The following CAST variants were observed in gnomAD, a reference collection of about 807,000 sequenced individuals.
CAST encodes the protein calpastatin, also known as MIR583 host.
Under a neutral mutation model 119.6 loss-of-function variants are expected in CAST, and 76 were observed. That is an observed-to-expected ratio of 0.64 (90% CI 0.53 to 0.77). The LOEUF is 0.77. Ranked by LOEUF, CAST falls within the 30% of genes least tolerant of loss-of-function variation. The probability of loss-of-function intolerance (pLI) is 0.00; values close to 1 mark genes in which losing one functional copy is unlikely to be tolerated. For synonymous variants in CAST, 319 were observed against 331.6 expected (o/e 0.96, Z 0.41); for missense variants, 953 against 946.5 (o/e 1.01, Z -0.09).
the CAST span, among the ~76,000 whole-genome samples, chr5:96,077,330 G>T: frequency 6.6e-6 from 1 of 152,064 alleles, no homozygotes; most frequent in Non-Finnish European, 1.5e-5. Context: ...TTTTTAAAGT[G>T]TATATAGCAT....
chr5:96,645,244 G>T (rs1299917545), intron 1 of CAST, among the ~76,000 whole-genome samples: 2 of 152,130 alleles, frequency 1.3e-5, no homozygotes, highest in Non-Finnish European at 2.9e-5. Context: ...GTAGGCTGGA[G>T]TTATGAGTCT....
At chr5:96,167,960 A>G in the CAST span, among the ~76,000 whole-genome samples, 11 of 152,176 alleles carry the variant, frequency 7.2e-5, no homozygotes, top group Non-Finnish European at 7.3e-5. Flanking sequence ...TGATTTCCTT[A>G]AGGATAGATT....
At chr5:96,128,173 C>A in the CAST span, among the ~76,000 whole-genome samples, 1 of 152,060 alleles carries the variant, frequency 6.6e-6, no homozygotes, top group Admixed American at 6.6e-5. Flanking sequence ...ATGCCCTGTT[C>A]CCTTCGTGTA....
intron 1 of CAST, among the ~76,000 whole-genome samples, chr5:96,636,292 G>C (rs1207987911): frequency 6.6e-6 from 1 of 152,116 alleles, no homozygotes; most frequent in Non-Finnish European, 1.5e-5. Context: ...TTAAGCTCCT[G>C]ACACATAGCA....
chr5:96,772,010 T>C lies in CAST; in HGVS notation c.*23+308T>C, dbSNP rs200937935. On this transcript the variant is annotated intron_variant, in intron 31 of 31. Transcript: ENST00000675179. ...TCTTTGAAATCCAAATGCTCATTACTGCAGGTTATTGTGGCAAAGCAAAAT... is the reference window on the plus strand; with the variant it reads ...TCTTTGAAATCCAAATGCTCATTACCGCAGGTTATTGTGGCAAAGCAAAAT... 4 of 204,962 alleles carry C rather than the reference T, an allele frequency of 2.0e-5. No individual in the cohort carries two copies. The East Asian group carries it at 4.5e-4, about 23-fold the overall frequency. 12.7% of individuals were successfully genotyped at this position (204,962 alleles called of 1,614,324 possible). A position where few individuals can be genotyped will look rare whatever the true frequency, so the allele number is the denominator to read the frequency against.
the CAST span, among the ~76,000 whole-genome samples, chr5:96,051,781 G>A: frequency 3.3e-5 from 5 of 152,126 alleles, no homozygotes; most frequent in East Asian, 5.8e-4. Context: ...GTCCCAAACC[G>A]GAAACAAAAT....
At chr5:96,002,134 C>A in the CAST span, among the ~76,000 whole-genome samples, 2 of 152,190 alleles carry the variant, frequency 1.3e-5, no homozygotes, top group African/African-American at 4.8e-5. Context: ...CATTTAGGAG[C>A]AACCATTGTT....
At chr5:96,484,471 C>G in the CAST span, among the ~76,000 whole-genome samples, 3 of 152,050 alleles carry the variant, frequency 2.0e-5, no homozygotes, top group African/African-American at 4.8e-5. Flanking sequence ...TGTGTTGATC[C>G]TAGCTGGCAG....
At chr5:96,587,561 T>C (rs1354830579) in intron 1 of CAST, among the ~76,000 whole-genome samples, 1 of 152,196 alleles carries the variant, frequency 6.6e-6, no homozygotes, top group Non-Finnish European at 1.5e-5. Flanking sequence ...TTTCTTTAAT[T>C]TGTAAAAGCT....
the CAST span, among the ~76,000 whole-genome samples, chr5:95,988,261 C>T: frequency 6.6e-6 from 1 of 152,268 alleles, no homozygotes; most frequent in East Asian, 1.9e-4. Flanking sequence ...TCCCTCCCAC[C>T]AGTTCTGGGG....
intron 24 of CAST, among the ~76,000 whole-genome samples, chr5:96,758,400 G>A (rs573146488): frequency 6.6e-6 from 1 of 152,240 alleles, no homozygotes; most frequent in Admixed American, 6.5e-5. Flanking sequence ...GATTTTCATG[G>A]CTTTTTATAT....
At chr5:96,716,543 GC>G (rs1207821667) in intron 3 of CAST, among the ~76,000 whole-genome samples, 4 of 152,176 alleles carry the variant, frequency 2.6e-5, no homozygotes, top group Non-Finnish European at 5.9e-5. Flanking sequence ...GGGATGGGTG[GC>G]AACTCAAACA....
At chr5:96,343,635 A>G in the CAST span, among the ~76,000 whole-genome samples, 2 of 152,212 alleles carry the variant, frequency 1.3e-5, no homozygotes, top group African/African-American at 4.8e-5. Flanking sequence ...AAGCATTGCA[A>G]CTGAAAGCAG....
chr5:96,282,526 G>A, the CAST span, among the ~76,000 whole-genome samples: 2 of 152,170 alleles, frequency 1.3e-5, no homozygotes, highest in African/African-American at 4.8e-5. Context: ...CCTGGATACT[G>A]TCGTCAGAAA....
chr5:96,619,791 A>T (rs1747560323), intron 1 of CAST, among the ~76,000 whole-genome samples: 1 of 151,222 alleles, frequency 6.6e-6, no homozygotes, highest in African/African-American at 2.5e-5. Flanking sequence ...GAAGTCAGCC[A>T]TACCAAGAAA....
At chr5:96,124,505 A>G in the CAST span, among the ~76,000 whole-genome samples, 1 of 152,066 alleles carries the variant, frequency 6.6e-6, no homozygotes, top group East Asian at 1.9e-4. Flanking sequence ...ATCTTGAAAC[A>G]CATCCAACTA....
At chr5:96,609,873 T>C (rs974019654) in intron 1 of CAST, among the ~76,000 whole-genome samples, 2 of 152,164 alleles carry the variant, frequency 1.3e-5, no homozygotes, top group African/African-American at 4.8e-5. Context: ...TCTAAGTCAA[T>C]GCTGGAATGA....
chr5:96,318,567 G>A, the CAST span: 2 of 152,166 alleles, frequency 1.3e-5, no homozygotes, highest in South Asian at 2.1e-4. Context: ...AAGTTGCTGT[G>A]TTGCATACAT....
intron 1 of CAST, among the ~76,000 whole-genome samples, chr5:96,546,943 A>C (rs369288760): frequency 1.7e-4 from 26 of 152,358 alleles, no homozygotes; most frequent in African/African-American, 6.3e-4. Flanking sequence ...TGCAGAGAGC[A>C]GGAAAACTGA....
Sources: allele counts gnomAD v4.1 joint callset (sites outside exome capture counted in the v4.1 genomes callset), GRCh38; gene constraint gnomAD v4.1.1; transcripts MANE v1.5; gene names NCBI Gene and HGNC (gene_info 2026-07-23, HGNC 2026-07-21).